The following CLIP4 variants were observed in gnomAD, a reference collection of about 807,000 sequenced individuals.
CLIP4 encodes the protein CAP-Gly domain-containing linker protein 4.
In CLIP4, 47 loss-of-function variants were observed where a neutral mutation model predicts 73.1. The observed-to-expected ratio is 0.64, with a 90% CI of 0.51 to 0.82. The LOEUF is 0.82. Among genes scored for constraint, CLIP4 ranks in the 40% least tolerant of loss-of-function variants. CLIP4 has a pLI of 0.00. For synonymous variants in CLIP4, 306 were observed against 295.4 expected, an observed-to-expected ratio of 1.04 and a Z score of -0.37; for missense variants, 874 against 852.9, an observed-to-expected ratio of 1.02 and a Z score of -0.31.
intron 14 of CLIP4, among the ~76,000 whole-genome samples, chr2:29,172,946 C>A (rs1345579317): frequency 6.6e-6 from 1 of 151,968 alleles, no homozygotes; most frequent in African/African-American, 2.4e-5. Flanking sequence ...TCAAATTTTT[C>A]TTTTATGTCT....
At chr2:29,162,424 G>A (rs1288808297) in intron 12 of CLIP4, among the ~76,000 whole-genome samples, 1 of 152,076 alleles carries the variant, frequency 6.6e-6, no homozygotes, top group Non-Finnish European at 1.5e-5. Flanking sequence ...TTTTATCAGT[G>A]CCACCTTGGA....
chr2:29,126,772 A>G (rs916521245), intron 2 of CLIP4, among the ~76,000 whole-genome samples: 2 of 152,230 alleles, frequency 1.3e-5, no homozygotes, highest in Non-Finnish European at 2.9e-5. Flanking sequence ...GGTTCCTTAC[A>G]TGAGCCATGA....
chr2:29,144,547 T>C (rs1373860124), intron 7 of CLIP4, among the ~76,000 whole-genome samples: 1 of 152,064 alleles, frequency 6.6e-6, no homozygotes, highest in African/African-American at 2.4e-5. Flanking sequence ...TTTTAATTAT[T>C]TTATTATACT....
At chr2:29,154,199 A>G (rs989540554) in intron 9 of CLIP4, among the ~76,000 whole-genome samples, 1 of 152,146 alleles carries the variant, frequency 6.6e-6, no homozygotes, top group Non-Finnish European at 1.5e-5. Context: ...GCATCCTTTT[A>G]ACCTGAAGCC....
At chr2:29,114,949 C>A (rs1212413970), upstream of CLIP4, 1 of 152,388 alleles carries the variant, frequency 6.6e-6, no homozygotes, top group Admixed American at 6.5e-5. Flanking sequence ...TGCACAGTTT[C>A]ACCCTGTCTG....
At chr2:29,125,383 A>C (rs370294272) in intron 2 of CLIP4, among the ~76,000 whole-genome samples, 4 of 152,282 alleles carry the variant, frequency 2.6e-5, no homozygotes, top group African/African-American at 7.2e-5. Flanking sequence ...TGAATAGTTG[A>C]GGAGGACCCT....
At chr2:29,167,363 A>G (rs1573014255) in intron 13 of CLIP4, 113 bp from the exon 14 acceptor site, 2 of 584,188 alleles carry the variant, frequency 3.4e-6, no homozygotes, top group East Asian at 3.0e-5. Flanking sequence ...TGGACCCTCC[A>G]TAAATATTTG....
At chr2:29,155,246 A>AT (rs1372049236) in intron 9 of CLIP4, among the ~76,000 whole-genome samples, 1 of 152,216 alleles carries the variant, frequency 6.6e-6, no homozygotes, top group African/African-American at 2.4e-5. Context: ...GCAATGGGCT[A>AT]TGATTGTGCC....
At chr2:29,119,531 G>A (rs781057164) in intron 1 of CLIP4, among the ~76,000 whole-genome samples, 9 of 152,022 alleles carry the variant, frequency 5.9e-5, no homozygotes, top group East Asian at 5.8e-4. Context: ...GTCCCAAACC[G>A]TGATTATAGT....
intron 2 of CLIP4, among the ~76,000 whole-genome samples, chr2:29,124,047 A>G (rs1197836616): frequency 1.3e-5 from 2 of 152,184 alleles, no homozygotes; most frequent in Non-Finnish European, 2.9e-5. Context: ...AAATAATATA[A>G]AAAAATCTCA....
At chr2:29,138,915 A>G (rs1165466165) in intron 6 of CLIP4, among the ~76,000 whole-genome samples, 1 of 151,878 alleles carries the variant, frequency 6.6e-6, no homozygotes, top group East Asian at 1.9e-4. Context: ...AACCTTTAGA[A>G]TTTTCTACAT....
chr2:29,160,518 T>C, intron 12 of CLIP4, 51 bp downstream of exon 12: 2 of 1,580,980 alleles, frequency 1.3e-6, no homozygotes, highest in Non-Finnish European at 8.6e-7. Context: ...GTACAAAAGG[T>C]TTAAAATTTT....
intron 9 of CLIP4, 81 bp downstream of exon 9, chr2:29,152,909 C>CTT (rs113615666): frequency 1.2e-4 from 170 of 1,450,992 alleles, no homozygotes; most frequent in South Asian, 1.9e-4. Context: ...GATTGCTTCA[C>CTT]TTTTTTTTGT....
At chr2:29,139,287 A>G (rs1665594167) in intron 6 of CLIP4, among the ~76,000 whole-genome samples, 1 of 151,394 alleles carries the variant, frequency 6.6e-6, no homozygotes, top group African/African-American at 2.4e-5. Context: ...AATTTTGTTT[A>G]TGTGGTGAAT....
chr2:29,181,402 A>G (rs1395607599), intron 15 of CLIP4, among the ~76,000 whole-genome samples, 170 bp from the exon 16 acceptor site: 2 of 152,212 alleles, frequency 1.3e-5, no homozygotes, highest in Non-Finnish European at 1.5e-5. Flanking sequence ...GGTCAACTGT[A>G]TACTCTAAAA....
chr2:29,107,073 G>A (rs1332360229), intron 1 of CLIP4, among the ~76,000 whole-genome samples: 2 of 152,114 alleles, frequency 1.3e-5, no homozygotes, highest in East Asian at 3.9e-4. Context: ...TCTTTGGCGA[G>A]GAGAGTCATT....
In CLIP4 at chr2:29,167,521, A is replaced by G; in HGVS notation, c.1704A>G (p.Lys568=). ...CCCTTTCAGAAATTTCTTCAAATAA[A>G]CAGAACCATTCTTATCCTGGTAAGA... ...LDTLSEISSN[K]QNHSYPGFRR... The change falls in exon 14 of 16, where the codon AAA becomes AAG. Residue 568 remains lysine, a synonymous_variant. Coordinates refer to ENST00000320081, the MANE Select transcript of CLIP4 (RefSeq NM_024692.6). 1 of 1,608,400 alleles carries G rather than the reference A, an allele frequency of 6.2e-7. No individual in the cohort carries two copies. Among genetic ancestry groups the G allele is most frequent in the Non-Finnish European group, 8.5e-7 (1 of 1,177,402 alleles).
At chr2:29,154,189 G>A (rs958073236) in intron 9 of CLIP4, among the ~76,000 whole-genome samples, 3 of 152,092 alleles carry the variant, frequency 2.0e-5, no homozygotes, top group Non-Finnish European at 4.4e-5. Flanking sequence ...ATTATAAGTA[G>A]CATCCTTTTA....
At chr2:29,152,871 AT>A (rs1422084987) in intron 9 of CLIP4, 43 bp downstream of exon 9, 1 of 1,593,526 alleles carries the variant, frequency 6.3e-7, no homozygotes, top group Admixed American at 1.8e-5. Flanking sequence ...CAGTGTTTTA[AT>A]TTTATTTGTA....
Sources: gnomAD v4.1 joint callset for allele counts (sites outside exome capture counted in the v4.1 genomes callset) on GRCh38, gnomAD v4.1.1 for gene constraint, MANE v1.5 for transcripts, NCBI Gene and HGNC (gene_info 2026-07-23, HGNC 2026-07-21) for gene names.